Variants in FBXO44 observed in about 807,000 individuals in gnomAD.
FBXO44 encodes the protein F-box protein 44.
A neutral mutation model predicts 33.5 loss-of-function variants in FBXO44; 25 were observed. The observed-to-expected ratio is 0.75, with a 90% CI of 0.54 to 1.04. FBXO44 has a LOEUF of 1.04. FBXO44 is among the 50% of genes least tolerant of loss of function. The pLI is 0.00. For synonymous variants in FBXO44, 147 were observed against 152.8 expected, an observed-to-expected ratio of 0.96 and a Z score of 0.28; for missense variants, 311 against 344.0, an observed-to-expected ratio of 0.90 and a Z score of 0.76.
chr1:11,660,255 C>G (rs976987231), intron 5 of FBXO44, among the ~76,000 whole-genome samples: 2 of 152,154 alleles, frequency 1.3e-5, no homozygotes, highest in Non-Finnish European at 2.9e-5. Context: ...CTCTGCCTCC[C>G]GGTTCAAACG....
rs373432814 is a variant in FBXO44, at chr1:11,661,186, C to T, written c.681C>T (p.His227=). 45 of 1,614,124 alleles carry T rather than the reference C, an allele frequency of 2.8e-5. 1 individual carries two copies. The highest frequency in any genetic ancestry group is 1.0e-4 in the Admixed American group (6 of 60,016). ...PPGVRYIWFQ[H]GGVDTHYWAG... ...GCGTCCGCTACATCTGGTTTCAGCA[C>T]GGCGGCGTGGACACTCATTACTGGG... The change falls in exon 6 of 6, where the codon CAC becomes CAT. Residue 227 remains histidine (H), a synonymous_variant. Transcript: ENST00000251547. This position sits in a 1 kb window ranked among gnomAD's most constrained non-coding sequence, Gnocchi z 4.4.
chr1:11,654,434 C>CG, upstream of FBXO44: 1 of 1,243,286 alleles, frequency 8.0e-7, no homozygotes, highest in Non-Finnish European at 1.0e-6. Context: ...GCGTCTGTGT[C>CG]GGTCCCGGCG....
upstream of FBXO44, chr1:11,654,842 C>CGGGGCGA (rs1183160429): frequency 7.2e-6 from 1 of 138,566 alleles, no homozygotes; most frequent in African/African-American, 2.6e-5. Context: ...GCGCGGGGCG[C>CGGGGCGA]GGGGGCGGGG....
Position 11,662,639 on chromosome 1 carries a change from G to C in FBXO44, c.*1366G>C, listed in dbSNP as rs2100671033. 1 of 152,390 alleles carries C rather than the reference G, an allele frequency of 6.6e-6. No homozygotes were observed. Among genetic ancestry groups the C allele is most frequent in the South Asian group, 2.1e-4 (1 of 4,832 alleles). The allele number at this position is 152,390 out of a possible 1,614,324, so 9.4% of individuals were successfully genotyped here. ...TTTGCCAACAGCTTTACGGACATTG[G>C]ATGAAGCCGAAGCATTTAGAATGGT... On this transcript the variant is annotated 3_prime_UTR_variant, in exon 6 of 6. Transcript: ENST00000251547.
At position 11,661,922 on chromosome 1, in the gene FBXO44, GC is replaced by G. The variant is rs1214401573; in HGVS notation, c.*653del. On this transcript the variant is annotated 3_prime_UTR_variant, in exon 6 of 6. Coordinates refer to ENST00000251547, the MANE Select transcript of FBXO44 (RefSeq NM_033182.7). The surrounding 1 kb of genome is among the most constrained non-coding windows in gnomAD (Gnocchi z 4.4). ...GTGGACTGTCCTCACTGTCAGTGGA[GC>G]CCCAGAAGCTAGATGGGTACCAGGT... is the stretch of plus-strand genomic sequence containing the variant. 6.5e-6 allele frequency: 1 copy of G among 152,780 alleles called. No homozygotes were observed. Among genetic ancestry groups the G allele is most frequent in the East Asian group, 1.9e-4 (1 of 5,210 alleles). 9.5% of individuals were successfully genotyped at this position (152,780 alleles called of 1,614,324 possible). A position where few individuals can be genotyped will look rare whatever the true frequency, so the allele number is the denominator to read the frequency against.
In FBXO44 at chr1:11,661,449, G is replaced by T; in HGVS notation, c.*176G>T. The T allele has an allele frequency of 1.1e-6, 1 of 918,906 alleles. No individual in the cohort carries two copies. The highest frequency in any genetic ancestry group is 1.6e-6 in the Non-Finnish European group (1 of 626,468). The allele number at this position is 918,906 out of a possible 1,614,324, so 56.9% of individuals were successfully genotyped here. A position where few individuals can be genotyped will look rare whatever the true frequency, so the allele number is the denominator to read the frequency against. ...TGGGCAGCCCTCGCATGCTGGGGTC[G>T]GGCCAGCTCTCCCCGAAAGGTCTTG... On this transcript the variant is annotated 3_prime_UTR_variant, in exon 6 of 6. Coordinates refer to ENST00000251547, the MANE Select transcript of FBXO44 (RefSeq NM_033182.7). The surrounding 1 kb of genome is among the most constrained non-coding windows in gnomAD (Gnocchi z 4.4).
chr1:11,654,797 G>C (rs1248275184), upstream of FBXO44: 2 of 148,958 alleles, frequency 1.3e-5, no homozygotes, highest in Admixed American at 1.4e-4. Context: ...GACGCGGTGG[G>C]GGTGCGTCCC....
upstream of FBXO44, chr1:11,654,683 G>C (rs1178840017): frequency 4.7e-5 from 12 of 254,274 alleles, no homozygotes; most frequent in Non-Finnish European, 7.4e-5. Context: ...GGGGAGGCAC[G>C]GAGAGGCTGG....
chr1:11,658,883 T>A lies in FBXO44; in HGVS notation c.624+12T>A. 6.2e-7 allele frequency: 1 copy of A among 1,603,452 alleles called. No homozygotes were observed. ...CCAAGTGGAGGGAGGTGCGTGGGCC[T>A]GGGGGACGGGGGCAGAGGCAGATCG... On this transcript the variant is annotated intron_variant, in intron 5 of 5. Coordinates refer to ENST00000251547, the MANE Select transcript of FBXO44 (RefSeq NM_033182.7).
chr1:11,657,536 T>G (rs941826349), intron 2 of FBXO44, among the ~76,000 whole-genome samples: 17 of 152,150 alleles, frequency 1.1e-4, no homozygotes, highest in African/African-American at 4.1e-4. Flanking sequence ...GGTCAGGAGA[T>G]CGAGACCAGC....
chr1:11,655,808 A>G lies in FBXO44; in HGVS notation c.-28A>G, dbSNP rs377439632. On this transcript the variant is annotated splice_region_variant and 5_prime_UTR_variant, in exon 2 of 6. Transcript: ENST00000251547. ...CCTGCAGCATAGCTTTTCAACAGCT[A>G]CAGGAGGGTGTCCAGAAGCCACAAG... 1.5e-5 allele frequency: 24 copies of G among 1,610,264 alleles called. No homozygotes were observed. In the East Asian group the frequency reaches 4.7e-4, roughly 31 times the overall value.
At chr1:11,657,203 A>AAAG (rs201900440) in intron 2 of FBXO44, among the ~76,000 whole-genome samples, 1 of 152,226 alleles carries the variant, frequency 6.6e-6, no homozygotes, top group Non-Finnish European at 1.5e-5. Context: ...AGTGTTATAA[A>AAAG]AAGAAGAAGA....
At position 11,655,902 on chromosome 1, in the gene FBXO44, G is replaced by T. The variant is rs776778731; in HGVS notation, c.67G>T (p.Ala23Ser). ...GCTGGAGCTGTTCACGCACGTGCCC[G>T]CCCGCCAGCTGCTGCTGAACTGCCG... ...ILLELFTHVP[A>S]RQLLLNCRLV... is the part of the protein sequence containing the mutation. Residue 23 changes from alanine to serine, a missense_variant, in exon 2 of 6, where the codon GCC becomes TCC. Coordinates refer to ENST00000251547, the MANE Select transcript of FBXO44 (RefSeq NM_033182.7). The T allele has an allele frequency of 1.2e-6, 2 of 1,613,918 alleles. No individual in the cohort carries two copies. Among genetic ancestry groups the T allele is most frequent in the East Asian group, 2.2e-5 (1 of 44,886 alleles).
In FBXO44 at chr1:11,656,075, C is replaced by A. The variant is rs1479946785; in HGVS notation, c.240C>A (p.Asn80Lys). 1.9e-6 allele frequency: 3 copies of A among 1,614,114 alleles called. No homozygotes were observed. Among genetic ancestry groups the A allele is most frequent in the Admixed American group, 3.3e-5 (2 of 60,024 alleles). ...ACTTCTTACGGAGCCTGCACAGGAA[C>A]CTCCTGCACAACCCGTGCGCTGAAG... is the stretch of plus-strand genomic sequence containing the variant. ...IFYFLRSLHR[N>K]LLHNPCAEEG... Residue 80 changes from asparagine to lysine, a missense_variant, in exon 2 of 6, where the codon AAC becomes AAA. Physicochemically the swap from Asn to Lys is moderately conservative, Grantham distance 94. Transcript: ENST00000251547.
chr1:11,659,707 GCTGGTCTC>G (rs1640063948), intron 5 of FBXO44, among the ~76,000 whole-genome samples: 1 of 152,020 alleles, frequency 6.6e-6, no homozygotes, highest in African/African-American at 2.4e-5. Context: ...TGTTGCCCAG[GCTGGTCTC>G]GCACTCCTGG....
chr1:11,660,471 T>C (rs1640109806), intron 5 of FBXO44, among the ~76,000 whole-genome samples: 1 of 152,184 alleles, frequency 6.6e-6, no homozygotes, highest in Non-Finnish European at 1.5e-5. Flanking sequence ...TTTTACTTAA[T>C]TTTAACCTAA....
At chr1:11,654,830 G>C (rs1205774419), upstream of FBXO44, 2 of 148,638 alleles carry the variant, frequency 1.3e-5, no homozygotes, top group Non-Finnish European at 3.0e-5. Context: ...GCGCGGGGCG[G>C]GGCGCGGGGC....
intron 5 of FBXO44, among the ~76,000 whole-genome samples, chr1:11,660,186 G>A (rs1020419579): frequency 4.0e-5 from 6 of 151,748 alleles, no homozygotes; most frequent in Non-Finnish European, 7.4e-5. Context: ...TTTTTGAGAC[G>A]GAGTCTCGCT....
Position 11,656,007 on chromosome 1 carries a change from ACTGAGGAC to A in FBXO44, c.173_180del (p.Thr58MetfsTer28), listed in dbSNP as rs1242382787. The A allele has an allele frequency of 6.2e-7, 1 of 1,614,034 alleles. No individual in the cohort carries two copies. The highest frequency in any genetic ancestry group is 8.5e-7 in the Non-Finnish European group (1 of 1,180,044). On this transcript the variant is annotated frameshift_variant, in exon 2 of 6. Transcript: ENST00000251547. LOFTEE classifies it high-confidence loss of function. The stretch of plus-strand genomic sequence containing the variant: ...CAAGTGCCTGCGAGAGGGCTTCATC[ACTGAGGAC>A]TGGGACCAGCCCGTGGCCGACTGGA...
Sources: gnomAD v4.1 joint callset for allele counts (sites outside exome capture counted in the v4.1 genomes callset) on GRCh38, gnomAD v4.1.1 for gene constraint, Gnocchi (gnomAD v3.1) non-coding constraint, MANE v1.5 for transcripts, NCBI Gene and HGNC (gene_info 2026-07-23, HGNC 2026-07-21) for gene names.